AUTS2: variants seen among roughly 807,000 people sequenced by gnomAD.
AUTS2 encodes autism susceptibility gene 2 protein.
A neutral mutation model predicts 112.4 loss-of-function variants in AUTS2; 17 were observed. The observed-to-expected ratio is 0.15, with a 90% CI of 0.10 to 0.23. The LOEUF (loss-of-function observed/expected upper bound fraction) is 0.23. AUTS2 is among the 10% of genes least tolerant of loss of function. The probability of loss-of-function intolerance (pLI) is 1.00; values close to 1 mark genes in which losing one functional copy is unlikely to be tolerated. For synonymous variants in AUTS2, 751 were observed against 702.7 expected (o/e 1.07, Z -1.09); for missense variants, 1,510 against 1,701.6 (o/e 0.89, Z 1.98).
chr7:70,170,765 G>A (rs1263208187), intron 4 of AUTS2, among the ~76,000 whole-genome samples: 2 of 151,756 alleles, frequency 1.3e-5, no homozygotes, highest in Non-Finnish European at 2.9e-5. Context: ...CTGCCACCAC[G>A]CGTGGCTAAT....
Position 70,008,486 on chromosome 7 carries a change from G to A in AUTS2, c.522+108988G>A, listed in dbSNP as rs576464907. ...ATTTTGTCTACCAGCGTCTCTTCAA[G>A]CAATCTTTCTGTGTCAGTGGCCTGT... On this transcript the variant is annotated intron_variant, in intron 2 of 18. Coordinates refer to ENST00000342771, the MANE Select transcript of AUTS2 (RefSeq NM_015570.4). Among the ~76,000 whole-genome samples, 3 of 152,222 alleles carry A rather than the reference G, an allele frequency of 2.0e-5. No individual in the cohort carries two copies. In the South Asian group the frequency reaches 6.2e-4, roughly 32 times the overall value.
chr7:69,746,174 C>A (rs1787490332), intron 1 of AUTS2, among the ~76,000 whole-genome samples: 1 of 152,108 alleles, frequency 6.6e-6, no homozygotes. Flanking sequence ...CTGTGCCTGG[C>A]CTACATCAAC....
chr7:69,873,766 C>T (rs535280310), intron 1 of AUTS2, among the ~76,000 whole-genome samples: 1 of 152,292 alleles, frequency 6.6e-6, no homozygotes, highest in South Asian at 2.1e-4. Flanking sequence ...TCTCACCTCC[C>T]AGAAGAGTGT....
intron 4 of AUTS2, among the ~76,000 whole-genome samples, chr7:70,332,513 T>C (rs1008004375): frequency 6.6e-6 from 1 of 152,102 alleles, no homozygotes; most frequent in Non-Finnish European, 1.5e-5. Context: ...AAGACAATCA[T>C]AAGGAAAAAG....
chr7:69,837,258 A>G (rs1003159589), intron 1 of AUTS2, among the ~76,000 whole-genome samples: 6 of 152,204 alleles, frequency 3.9e-5, no homozygotes, highest in Non-Finnish European at 7.3e-5. Flanking sequence ...GAAGACATCA[A>G]TAATGATGTA....
intron 2 of AUTS2, among the ~76,000 whole-genome samples, chr7:69,902,612 T>C (rs1795010448): frequency 6.6e-6 from 1 of 152,234 alleles, no homozygotes; most frequent in African/African-American, 2.4e-5. Flanking sequence ...GGGAAGATGT[T>C]ACTCCTTAGT....
intron 1 of AUTS2, among the ~76,000 whole-genome samples, chr7:69,699,469 T>TA (rs1358672647): frequency 6.6e-6 from 1 of 152,130 alleles, no homozygotes; most frequent in African/African-American, 2.4e-5. Context: ...GTTTTGTAGT[T>TA]ACCAATATAT....
chr7:70,640,572 GGTGTGTGT>G (rs56257017), intron 5 of AUTS2, among the ~76,000 whole-genome samples: 5 of 150,098 alleles, frequency 3.3e-5, no homozygotes, highest in Non-Finnish European at 7.4e-5. Flanking sequence ...CAGAACTAAT[GGTGTGTGT>G]GTGTGTGTGT....
chr7:69,847,086 T>TCC (rs1242496436), intron 1 of AUTS2, among the ~76,000 whole-genome samples: 36 of 152,110 alleles, frequency 2.4e-4, no homozygotes, highest in African/African-American at 8.7e-4. Context: ...CCTTAATTTT[T>TCC]CCCCTCTCCC....
At position 70,332,432 on chromosome 7, in the gene AUTS2, T is replaced by G. The variant is rs555031509; in HGVS notation, c.661-103320T>G. On this transcript the variant is annotated intron_variant, in intron 4 of 18. Transcript: ENST00000342771. ...AATGTTATCCCTATCAAGCTACCATTGACTTTCTTCACAGAATTAGAAAAA... is the reference window on the plus strand; with the variant it reads ...AATGTTATCCCTATCAAGCTACCATGGACTTTCTTCACAGAATTAGAAAAA... 1.5e-3 allele frequency among the ~76,000 whole-genome samples: 227 copies of G among 152,320 alleles called. 1 individual carries two copies. Among genetic ancestry groups the G allele is most frequent in the African/African-American group, 4.6e-3 (191 of 41,566 alleles).
At chr7:70,531,843 C>T (rs1281135463) in intron 5 of AUTS2, among the ~76,000 whole-genome samples, 1 of 152,140 alleles carries the variant, frequency 6.6e-6, no homozygotes, top group Non-Finnish European at 1.5e-5. Flanking sequence ...TAACAAACCC[C>T]CCCAAAACTT....
intron 3 of AUTS2, among the ~76,000 whole-genome samples, chr7:70,129,794 C>T (rs187396142): frequency 5.9e-5 from 9 of 152,186 alleles, no homozygotes; most frequent in Admixed American, 1.3e-4. Context: ...TTGGAAGTGA[C>T]GTAGCATTTT....
At chr7:69,734,272 G>T (rs922985377) in intron 1 of AUTS2, among the ~76,000 whole-genome samples, 2 of 151,410 alleles carry the variant, frequency 1.3e-5, no homozygotes, top group Non-Finnish European at 2.9e-5. Flanking sequence ...GCTCTTCCAC[G>T]TGTGGAGATT....
At chr7:70,167,199 C>T (rs1360718835) in intron 4 of AUTS2, among the ~76,000 whole-genome samples, 1 of 152,150 alleles carries the variant, frequency 6.6e-6, no homozygotes, top group Non-Finnish European at 1.5e-5. Context: ...GCACTCCAGC[C>T]TGGATGACAG....
chr7:70,134,235 G>A lies in AUTS2; in HGVS notation c.625-301G>A, dbSNP rs1806425133. On this transcript the variant is annotated intron_variant, in intron 3 of 18. Transcript: ENST00000342771. The stretch of plus-strand genomic sequence containing the variant: ...CGTGTCTGTTTAGTCTCAGTGCAGG[G>A]CGAAATGCCATCATTAATTCATTAC... 2.0e-5 allele frequency among the ~76,000 whole-genome samples: 3 copies of A among 152,154 alleles called. No individual in the cohort carries two copies. The South Asian group carries it at 6.2e-4, about 32-fold the overall frequency.
chr7:69,667,802 T>A (rs552152092), intron 1 of AUTS2, among the ~76,000 whole-genome samples: 1 of 152,314 alleles, frequency 6.6e-6, no homozygotes, highest in East Asian at 1.9e-4. Flanking sequence ...GCAATTACCA[T>A]TGGGATAAAC....
chr7:70,573,385 G>A (rs1333493328), intron 5 of AUTS2, among the ~76,000 whole-genome samples: 1 of 152,176 alleles, frequency 6.6e-6, no homozygotes, highest in Admixed American at 6.5e-5. Flanking sequence ...AAGGCACCAC[G>A]CTGTTTTCTC....
At chr7:69,954,040 G>T (rs1398498161) in intron 2 of AUTS2, among the ~76,000 whole-genome samples, 2 of 151,952 alleles carry the variant, frequency 1.3e-5, no homozygotes, top group Non-Finnish European at 2.9e-5. Context: ...TCCCCACCCC[G>T]TAGCTTTACT....
In AUTS2 at chr7:69,882,815, C is replaced by G. The variant is rs76137592; in HGVS notation, c.310-16471C>G. 2.9e-3 allele frequency among the ~76,000 whole-genome samples: 440 copies of G among 152,274 alleles called. 3 individuals carry two copies. The highest frequency in any genetic ancestry group is 0.01 in the African/African-American group (426 of 41,554). The stretch of plus-strand genomic sequence containing the variant: ...CACATTCAATGACACTCATTAAACA[C>G]AATCTTGAGGATATATGGAGAATAG... On this transcript the variant is annotated intron_variant, in intron 1 of 18. Transcript: ENST00000342771.
Sources: gnomAD v4.1 joint callset for allele counts (sites outside exome capture counted in the v4.1 genomes callset) on GRCh38, gnomAD v4.1.1 for gene constraint, MANE v1.5 for transcripts, NCBI Gene and HGNC (gene_info 2026-07-23, HGNC 2026-07-21) for gene names.